HIVEP1: variants seen among roughly 807,000 people sequenced by gnomAD.
The protein encoded by HIVEP1 is HIVEP zinc finger 1, also known as zinc finger protein 40.
In HIVEP1, 36 loss-of-function variants were observed where a neutral mutation model predicts 180.0. The observed-to-expected ratio is 0.20, with a 90% CI of 0.15 to 0.26. The LOEUF is 0.26. HIVEP1 is among the 10% of genes least tolerant of loss of function. The pLI, the probability that HIVEP1 is intolerant of heterozygous loss-of-function variation, is 1.00. For missense variants in HIVEP1, 3,143 were observed against 3,268.7 expected (o/e 0.96, Z 0.94); for synonymous variants, 1,239 against 1,239.0 (o/e 1.00, Z 0.00).
At chr6:12,134,294 G>A (rs114837894) in intron 6 of HIVEP1, among the ~76,000 whole-genome samples, 6,411 of 152,162 alleles carry the variant, frequency 0.042, 160 homozygotes, top group African/African-American at 0.05. Context: ...GTTATCTCCA[G>A]AATCACAGAA....
At chr6:12,025,179 T>C (rs1366224239) in intron 2 of HIVEP1, among the ~76,000 whole-genome samples, 1 of 152,312 alleles carries the variant, frequency 6.6e-6, no homozygotes. Flanking sequence ...ATCATGCTTA[T>C]ACTTGCTGAT....
chr6:12,108,003 C>T (rs1774565388), intron 3 of HIVEP1, among the ~76,000 whole-genome samples: 1 of 152,170 alleles, frequency 6.6e-6, no homozygotes, highest in Non-Finnish European at 1.5e-5. Context: ...TACAGAGTGT[C>T]AATTGGTGCA....
chr6:12,085,769 TG>T (rs1361324402), intron 2 of HIVEP1, among the ~76,000 whole-genome samples: 3 of 152,152 alleles, frequency 2.0e-5, no homozygotes, highest in African/African-American at 7.2e-5. Context: ...GACTGAAGAA[TG>T]GTCAGAGAGC....
chr6:12,111,094 T>C (rs964002072), intron 3 of HIVEP1, among the ~76,000 whole-genome samples: 1 of 152,220 alleles, frequency 6.6e-6, no homozygotes, highest in Non-Finnish European at 1.5e-5. Flanking sequence ...GCACAATTAA[T>C]GCAGCCCCAA....
intron 2 of HIVEP1, among the ~76,000 whole-genome samples, chr6:12,088,688 T>C (rs190321301): frequency 7.6e-4 from 116 of 152,270 alleles, no homozygotes; most frequent in African/African-American, 2.7e-3. Flanking sequence ...GTCAGCTCTA[T>C]GCTGCCAGCA....
chr6:12,137,538 C>T (rs1758769909), intron 7 of HIVEP1, among the ~76,000 whole-genome samples: 2 of 152,120 alleles, frequency 1.3e-5, no homozygotes, highest in Non-Finnish European at 2.9e-5. Context: ...TTCTGATAAA[C>T]AGCGTAGTTT....
intron 2 of HIVEP1, among the ~76,000 whole-genome samples, chr6:12,037,574 G>A (rs1355006072): frequency 6.6e-6 from 1 of 152,248 alleles, no homozygotes; most frequent in Non-Finnish European, 1.5e-5. Context: ...ATGTGGCTGA[G>A]AGGTTGCACT....
At chr6:12,095,401 T>C (rs1773725120) in intron 3 of HIVEP1, among the ~76,000 whole-genome samples, 1 of 151,964 alleles carries the variant, frequency 6.6e-6, no homozygotes, top group Non-Finnish European at 1.5e-5. Context: ...AAGTATTGCT[T>C]AGATGTATCA....
intron 2 of HIVEP1, among the ~76,000 whole-genome samples, chr6:12,077,556 T>TA (rs1772450177): frequency 6.6e-6 from 1 of 152,162 alleles, no homozygotes; most frequent in Non-Finnish European, 1.5e-5. Flanking sequence ...GTGTGAAACT[T>TA]ACAAGGGGAA....
At chr6:12,023,147 G>A (rs1171591121) in intron 2 of HIVEP1, among the ~76,000 whole-genome samples, 1 of 152,166 alleles carries the variant, frequency 6.6e-6, no homozygotes, top group Non-Finnish European at 1.5e-5. Flanking sequence ...CTCCGCTTCT[G>A]TGTGACACAA....
At chr6:12,049,662 G>A (rs1341206767) in intron 2 of HIVEP1, among the ~76,000 whole-genome samples, 1 of 152,172 alleles carries the variant, frequency 6.6e-6, no homozygotes, top group Non-Finnish European at 1.5e-5. Context: ...TTTATATGTA[G>A]AAAGAAAGAT....
At chr6:12,041,394 C>A (rs1337984752) in intron 2 of HIVEP1, among the ~76,000 whole-genome samples, 1 of 141,744 alleles carries the variant, frequency 7.1e-6, no homozygotes, top group Non-Finnish European at 1.5e-5. Flanking sequence ...TGCACTCCAG[C>A]CTGGGCGACA....
intron 7 of HIVEP1, among the ~76,000 whole-genome samples, chr6:12,155,608 C>A (rs1365005504): frequency 1.3e-5 from 2 of 152,182 alleles, no homozygotes; most frequent in African/African-American, 4.8e-5. Flanking sequence ...TTGATGACTG[C>A]AGAGTATTCT....
intron 2 of HIVEP1, among the ~76,000 whole-genome samples, chr6:12,044,558 C>T (rs62395288): frequency 2.9e-5 from 4 of 136,256 alleles, no homozygotes; most frequent in Admixed American, 1.5e-4. Context: ...GCTGAGGGCT[C>T]ACTGTGCCCC....
chr6:12,176,393 G>A, the HIVEP1 span, among the ~76,000 whole-genome samples: 1 of 151,920 alleles, frequency 6.6e-6, no homozygotes, highest in African/African-American at 2.4e-5. Context: ...CATCATGCCT[G>A]GCTAATTTTT....
intron 8 of HIVEP1, 145 bp downstream of exon 8, chr6:12,162,074 T>G (rs1164214934): frequency 1.4e-6 from 1 of 720,644 alleles, no homozygotes; most frequent in African/African-American, 1.8e-5. Flanking sequence ...TTCTTGTATT[T>G]AAGGGTAGAG....
At position 12,124,490 on chromosome 6, in the gene HIVEP1, G is replaced by T; in HGVS notation, c.4695G>T (p.Gln1565His). Residue 1565 changes from glutamine to histidine, a missense_variant, in exon 4 of 9, where the codon CAG becomes CAT. Physicochemically the swap from Gln to His is conservative, Grantham distance 24. Transcript: ENST00000379388. Reference sequence around the variant, plus strand: ...CTCCCAAATACCAATTGCATTGTCAGGTTTTCACTTCAGGCCCATCTTGCT... The same window carrying T: ...CTCCCAAATACCAATTGCATTGTCATGTTTTCACTTCAGGCCCATCTTGCT... ...CFAPKYQLHCQVFTSGPSCSS... is the reference protein window; with the variant it reads ...CFAPKYQLHCHVFTSGPSCSS... 1 of 1,614,144 alleles carries T rather than the reference G, an allele frequency of 6.2e-7. No homozygotes were observed. Among genetic ancestry groups the T allele is most frequent in the Non-Finnish European group, 8.5e-7 (1 of 1,180,034 alleles).
chr6:12,172,011 A>G, the HIVEP1 span, among the ~76,000 whole-genome samples: 1 of 152,142 alleles, frequency 6.6e-6, no homozygotes, highest in Admixed American at 6.5e-5. Flanking sequence ...GCTCTGAGAA[A>G]GTAGACAGAG....
At chr6:12,096,298 T>C (rs980596117) in intron 3 of HIVEP1, among the ~76,000 whole-genome samples, 7 of 152,026 alleles carry the variant, frequency 4.6e-5, no homozygotes, top group African/African-American at 1.4e-4. Flanking sequence ...CTGAATGATA[T>C]TCATATTTGC....
Sources: gnomAD v4.1 joint callset for allele counts (sites outside exome capture counted in the v4.1 genomes callset) on GRCh38, gnomAD v4.1.1 for gene constraint, MANE v1.5 for transcripts, NCBI Gene and HGNC (gene_info 2026-07-23, HGNC 2026-07-21) for gene names.